SLCO2B1: variants seen among roughly 807,000 people sequenced by gnomAD.
The protein encoded by SLCO2B1 is solute carrier organic anion transporter family member 2B1, also known as OATP-RP2.
Under a neutral mutation model 67.3 loss-of-function variants are expected in SLCO2B1, and 41 were observed. The observed-to-expected ratio is 0.61, with a 90% CI of 0.47 to 0.79. The LOEUF (loss-of-function observed/expected upper bound fraction) is 0.79. Ranked by LOEUF, SLCO2B1 falls within the 30% of genes least tolerant of loss-of-function variation. The pLI is 0.00. For missense variants in SLCO2B1, 837 were observed against 920.1 expected, an observed-to-expected ratio of 0.91 and a Z score of 1.17; for synonymous variants, 379 against 381.4, an observed-to-expected ratio of 0.99 and a Z score of 0.07.
At chr11:75,183,410 C>A (rs183999004) in intron 7 of SLCO2B1, among the ~76,000 whole-genome samples, 60 of 152,180 alleles carry the variant, frequency 3.9e-4, no homozygotes, top group Non-Finnish European at 6.8e-4. Flanking sequence ...GCTGCCTTAC[C>A]CAAAAAAATA....
intron 1 of SLCO2B1, among the ~76,000 whole-genome samples, chr11:75,161,384 T>C (rs1341641219): frequency 6.6e-6 from 1 of 152,224 alleles, no homozygotes; most frequent in Non-Finnish European, 1.5e-5. Flanking sequence ...TATGGCTTTG[T>C]AAATGTACTA....
intron 7 of SLCO2B1, among the ~76,000 whole-genome samples, chr11:75,184,384 C>T (rs773633502): frequency 1.7e-4 from 26 of 152,176 alleles, no homozygotes; most frequent in Non-Finnish European, 3.4e-4. Context: ...AATAGACATT[C>T]TTTATTTTAC....
intron 7 of SLCO2B1, among the ~76,000 whole-genome samples, chr11:75,178,146 C>A (rs527977088): frequency 1.3e-5 from 2 of 151,792 alleles, no homozygotes; most frequent in African/African-American, 4.8e-5. Flanking sequence ...TCTGTTTAGA[C>A]CAATCATTCT....
At chr11:75,186,066 C>T (rs1944925123) in intron 7 of SLCO2B1, among the ~76,000 whole-genome samples, 1 of 152,118 alleles carries the variant, frequency 6.6e-6, no homozygotes, top group Non-Finnish European at 1.5e-5. Flanking sequence ...CAAGTCCCAG[C>T]CTCATTTTCC....
intron 9 of SLCO2B1, 92 bp from the exon 10 acceptor site, chr11:75,196,419 TGGC>T: frequency 4.0e-6 from 5 of 1,254,244 alleles, no homozygotes; most frequent in Non-Finnish European, 5.6e-6. Flanking sequence ...CTGAAATCTC[TGGC>T]CATTGCTCTC....
Position 75,151,198 on chromosome 11 carries a change from G to T in SLCO2B1, c.-184G>T. 1.7e-6 allele frequency: 1 copy of T among 602,862 alleles called. No individual in the cohort carries two copies. The highest frequency in any genetic ancestry group is 3.0e-6 in the Non-Finnish European group (1 of 337,636). The allele number at this position is 602,862 out of a possible 1,614,324, so 37.3% of individuals were successfully genotyped here. A position where few individuals can be genotyped will look rare whatever the true frequency, so the allele number is the denominator to read the frequency against. The stretch of plus-strand genomic sequence containing the variant: ...CCCTAACCTGTGTCTGGACAAGTCT[G>T]ATGTCCTGTGTGGCCCAAGAAGAAC... On this transcript the variant is annotated 5_prime_UTR_variant, in exon 1 of 14. Coordinates refer to ENST00000289575, the MANE Select transcript of SLCO2B1 (RefSeq NM_007256.5).
chr11:75,203,526 C>T, intron 13 of SLCO2B1, 99 bp downstream of exon 13: 1 of 1,472,220 alleles, frequency 6.8e-7, no homozygotes, highest in Non-Finnish European at 9.4e-7. Context: ...TTTAAGTCTA[C>T]CTGCTAGGTG....
At chr11:75,194,530 G>A (rs1220312881) in intron 9 of SLCO2B1, among the ~76,000 whole-genome samples, 5 of 150,262 alleles carry the variant, frequency 3.3e-5, no homozygotes, top group South Asian at 2.1e-4. Flanking sequence ...TCCCACCCTC[G>A]CTGATCTCTC....
At chr11:75,184,549 A>T (rs1950127816) in intron 7 of SLCO2B1, among the ~76,000 whole-genome samples, 1 of 152,200 alleles carries the variant, frequency 6.6e-6, no homozygotes, top group Admixed American at 6.5e-5. Flanking sequence ...CCCAGCAGAC[A>T]TCAGCATCAG....
At chr11:75,189,332 C>T (rs1317732283) in intron 8 of SLCO2B1, among the ~76,000 whole-genome samples, 4 of 152,124 alleles carry the variant, frequency 2.6e-5, no homozygotes, top group South Asian at 4.1e-4. Flanking sequence ...AGTTAGTTTC[C>T]TTTTCTAAAT....
intron 7 of SLCO2B1, among the ~76,000 whole-genome samples, chr11:75,178,007 T>C (rs918522859): frequency 6.7e-6 from 1 of 149,166 alleles, no homozygotes; most frequent in Non-Finnish European, 1.5e-5. Context: ...GGCAGGAGAA[T>C]CACTAGAACC....
At chr11:75,179,073 C>T (rs942236776) in intron 7 of SLCO2B1, among the ~76,000 whole-genome samples, 4 of 152,032 alleles carry the variant, frequency 2.6e-5, no homozygotes, top group Non-Finnish European at 5.9e-5. Context: ...CTGCAATAAG[C>T]GTGAGAGTGC....
intron 1 of SLCO2B1, among the ~76,000 whole-genome samples, chr11:75,159,110 T>TAG (rs1282256687): frequency 6.6e-6 from 1 of 152,202 alleles, no homozygotes; most frequent in Non-Finnish European, 1.5e-5. Flanking sequence ...TGCAGGCAGG[T>TAG]GGCTGACTGA....
intron 4 of SLCO2B1, among the ~76,000 whole-genome samples, chr11:75,166,844 G>T (rs1261204887): frequency 6.6e-6 from 1 of 152,202 alleles, no homozygotes; most frequent in Non-Finnish European, 1.5e-5. Flanking sequence ...CCCCAGCCTG[G>T]CATGGAGGAA....
chr11:75,192,527 G>A (rs2140336829), intron 8 of SLCO2B1, among the ~76,000 whole-genome samples: 1 of 152,232 alleles, frequency 6.6e-6, no homozygotes, highest in Middle Eastern at 3.4e-3. Context: ...GGAAAAAGCT[G>A]TAGCAGGACA....
At chr11:75,188,069 C>A in intron 7 of SLCO2B1, 67 bp from the exon 8 acceptor site, 3 of 1,126,788 alleles carry the variant, frequency 2.7e-6, no homozygotes, top group South Asian at 1.3e-5. Flanking sequence ...CCTCCCCAGC[C>A]CACAGCCAAC....
chr11:75,196,662 G>A lies in SLCO2B1; in HGVS notation c.1582G>A (p.Ala528Thr). 6.2e-7 allele frequency: 1 copy of A among 1,613,504 alleles called. No homozygotes were observed. Among genetic ancestry groups the A allele is most frequent in the Non-Finnish European group, 8.5e-7 (1 of 1,179,832 alleles). ...AGCSSWVVQD[A>T]LDNSQVFYTN... ...CTGCTCAAGCTGGGTGGTCCAGGAT[G>A]CTCTGGACAACAGCCAGGTGAGTCA... Residue 528 changes from alanine to threonine, a missense_variant, in exon 10 of 14, where the codon GCT (alanine) becomes ACT (threonine). Ala to Thr is a moderately conservative substitution (Grantham distance 58). Coordinates refer to ENST00000289575, the MANE Select transcript of SLCO2B1 (RefSeq NM_007256.5).
At chr11:75,155,140 T>G (rs11236355) in intron 1 of SLCO2B1, among the ~76,000 whole-genome samples, 35,459 of 151,724 alleles carry the variant, frequency 0.23, 4,574 homozygotes, top group Admixed American at 0.38. Context: ...ACCTGCCAGA[T>G]CTCCTTCAAG....
At chr11:75,170,388 G>A (rs546332484) in intron 6 of SLCO2B1, among the ~76,000 whole-genome samples, 1 of 152,344 alleles carries the variant, frequency 6.6e-6, no homozygotes, top group Middle Eastern at 3.4e-3. Context: ...GGGCCAAGGA[G>A]TGGGACTGAC....
Sources: gnomAD v4.1 joint callset for allele counts (sites outside exome capture counted in the v4.1 genomes callset) on GRCh38, gnomAD v4.1.1 for gene constraint, MANE v1.5 for transcripts, NCBI Gene and HGNC (gene_info 2026-07-23, HGNC 2026-07-21) for gene names.